Variants in ZNF500 observed in about 807,000 individuals in gnomAD.
ZNF500 encodes zinc finger protein 500, also known as zinc finger protein with KRAB and SCAN domains 18.
Under a neutral mutation model 30.1 loss-of-function variants are expected in ZNF500, and 31 were observed. The ratio of observed to expected loss-of-function variants is 1.03; its 90% CI spans 0.77 to 1.39. The LOEUF (loss-of-function observed/expected upper bound fraction) is 1.39, where lower values mean the gene tolerates loss of function less well. Ranked by LOEUF, ZNF500 falls within the 40% of genes most tolerant of loss-of-function variation. The probability of loss-of-function intolerance (pLI) is 0.00; values close to 1 mark genes in which losing one functional copy is unlikely to be tolerated. For synonymous variants in ZNF500, 392 were observed against 282.0 expected, an observed-to-expected ratio of 1.39 and a Z score of -3.91; for missense variants, 817 against 657.8, an observed-to-expected ratio of 1.24 and a Z score of -2.65.
chr16:4,746,118 C>A, downstream of ZNF500: 1 of 402,866 alleles, frequency 2.5e-6, no homozygotes, highest in Non-Finnish European at 4.4e-6. Flanking sequence ...GTAAACTTAG[C>A]CACTTGTGCC....
Position 4,761,625 on chromosome 16 carries a change from C to G in ZNF500, c.663+646G>C, listed in dbSNP as rs1291391158. ...CTTTGGGAGACTTAGGCAAGAGGAT[C>G]ACTTGAGCCCAGGAGTTCAAGACCA... On this transcript the variant is annotated intron_variant, in intron 4 of 5. Transcript: ENST00000219478. Among the ~76,000 whole-genome samples the G allele has an allele frequency of 1.6e-4, 24 of 151,388 alleles. 1 individual carries two copies. The Admixed American group carries it at 1.6e-3, about 10-fold the overall frequency.
rs765859378 is a variant in ZNF500, at chr16:4,760,586, C to G, written c.666G>C (p.Val222=). 5.0e-6 allele frequency: 8 copies of G among 1,613,182 alleles called. No individual in the cohort carries two copies. In the South Asian group the frequency reaches 8.8e-5, roughly 18 times the overall value. Residue 222 remains valine, a splice_region_variant and synonymous_variant, in exon 5 of 6, where the codon GTG becomes GTC. Coordinates refer to ENST00000219478, the MANE Select transcript of ZNF500 (RefSeq NM_021646.4). ...CAGCCACGTCCTCCAAGTTCACGGGCACCTGCCAGAACGCACCCCACTCAG... is the reference window on the plus strand; with the variant it reads ...CAGCCACGTCCTCCAAGTTCACGGGGACCTGCCAGAACGCACCCCACTCAG... ...ASPFLSAWSQ[V]PVNLEDVAVY...
At position 4,752,628 on chromosome 16, in the gene ZNF500, G is replaced by T; in HGVS notation, c.1191C>A (p.Val397=). 1 of 1,609,842 alleles carries T rather than the reference G, an allele frequency of 6.2e-7. No homozygotes were observed. The highest frequency in any genetic ancestry group is 2.2e-5 in the East Asian group (1 of 44,698). Residue 397 remains valine (V), a synonymous_variant, in exon 6 of 6, where the codon GTC becomes GTA. Coordinates refer to ENST00000219478, the MANE Select transcript of ZNF500 (RefSeq NM_021646.4). ...CCCCGCTGTGTGTCCTGCGGTGGATGACCAGGCTGGAGCTCTGGCTGAAGC... is the reference window on the plus strand; with the variant it reads ...CCCCGCTGTGTGTCCTGCGGTGGATTACCAGGCTGGAGCTCTGGCTGAAGC... The part of the protein sequence containing the change: ...GKRFSQSSSL[V]IHRRTHSGER...
chr16:4,762,145 G>A, intron 4 of ZNF500, 126 bp downstream of exon 4: 1 of 1,116,970 alleles, frequency 9.0e-7, no homozygotes, highest in Non-Finnish European at 1.3e-6. Context: ...GAAAACTCCA[G>A]GGAAGAGCTC....
Position 4,751,383 on chromosome 16 carries a change from C to T in ZNF500, c.*993G>A. ...GAGCAAACGCAGCCCTGGGCCCCGG[C>T]CCTGGGGAGATGTCAGGCCCGTCAC... On this transcript the variant is annotated 3_prime_UTR_variant, in exon 6 of 6. Transcript: ENST00000219478. The T allele has an allele frequency of 1.7e-6, 1 of 581,398 alleles. No homozygotes were observed. The highest frequency in any genetic ancestry group is 3.0e-6 in the Non-Finnish European group (1 of 334,216). The allele number at this position is 581,398 out of a possible 1,614,324, so 36.0% of individuals were successfully genotyped here.
downstream of ZNF500, chr16:4,744,904 G>A (rs762400175): frequency 2.5e-6 from 4 of 1,613,706 alleles, no homozygotes; most frequent in Admixed American, 1.7e-5. Context: ...ACAGGCTCAT[G>A]GAACAGCTGG....
chr16:4,753,058 C>A lies in ZNF500; in HGVS notation c.761G>T (p.Gly254Val). ...GCCGTCCTCCAACTGGATCCCAGGTCCTGAGACAGAGAAAGCACGATCTCT... is the reference window on the plus strand; with the variant it reads ...GCCGTCCTCCAACTGGATCCCAGGTACTGAGACAGAGAAAGCACGATCTCT... The part of the protein sequence containing the change: ...AQRDAPLENE[G>V]PGIQLEDGGD... Residue 254 changes from glycine (G) to valine (V), a missense_variant and splice_region_variant, in exon 6 of 6, where the codon GGA (glycine) becomes GTA (valine). By Grantham distance (109) the Gly-to-Val change is moderately radical (BLOSUM62 -3). Transcript: ENST00000219478. 1 of 1,511,364 alleles carries A rather than the reference C, an allele frequency of 6.6e-7. No individual in the cohort carries two copies. Among genetic ancestry groups the A allele is most frequent in the Non-Finnish European group, 8.8e-7 (1 of 1,136,466 alleles). The allele number at this position is 1,511,364 out of a possible 1,614,324, so 93.6% of individuals were successfully genotyped here. A position where few individuals can be genotyped will look rare whatever the true frequency, so the allele number is the denominator to read the frequency against.
intron 2 of ZNF500, chr16:4,763,509 T>G: frequency 7.1e-6 from 7 of 979,298 alleles, no homozygotes; most frequent in Non-Finnish European, 7.3e-6. Flanking sequence ...GGTCTTAGAA[T>G]TGAGCTCTGC....
At chr16:4,754,792 T>C (rs117962425) in intron 5 of ZNF500, among the ~76,000 whole-genome samples, 3,041 of 152,308 alleles carry the variant, frequency 0.02, 48 homozygotes, top group Non-Finnish European at 0.031. Flanking sequence ...TTTCGATCTA[T>C]GTCCTCACCC....
chr16:4,765,633 C>A lies in ZNF500; in HGVS notation c.346G>T (p.Glu116Ter). The change falls in exon 2 of 6, where the codon GAG becomes TAG. Residue 116 changes from glutamate (E) to a stop codon, truncating the protein, a stop_gained. Transcript: ENST00000219478. LOFTEE classifies it high-confidence loss of function. ...IQARVREQQP[E>*]SGEEAVVLVE... The stretch of plus-strand genomic sequence containing the variant: ...AGGACCACGGCCTCCTCACCGCTCT[C>A]CGGCTGCTGCTCGCGTACCCGAGCC... 2 of 1,613,536 alleles carry A rather than the reference C, an allele frequency of 1.2e-6. No homozygotes were observed. Among genetic ancestry groups the A allele is most frequent in the South Asian group, 2.2e-5 (2 of 91,070 alleles).
At position 4,762,289 on chromosome 16, in the gene ZNF500, G is replaced by T; in HGVS notation, c.645C>A (p.Phe215Leu). The T allele has an allele frequency of 6.2e-7, 1 of 1,611,706 alleles. No homozygotes were observed. The highest frequency in any genetic ancestry group is 8.5e-7 in the Non-Finnish European group (1 of 1,179,006). The part of the protein sequence containing the change: ...RHQEMASASP[F>L]LSAWSQVPVN... ...CACTCACCTGGGACCAGGCCGAAAG[G>T]AAGGGCGAGGCTGACGCCATCTCCT... Residue 215 changes from phenylalanine (F) to leucine (L), a missense_variant, in exon 4 of 6, where the codon TTC (phenylalanine) becomes TTA (leucine). Coordinates refer to ENST00000219478, the MANE Select transcript of ZNF500 (RefSeq NM_021646.4).
downstream of ZNF500, chr16:4,745,157 T>G (rs2081998759): frequency 1.6e-5 from 18 of 1,110,342 alleles, no homozygotes; most frequent in South Asian, 2.2e-4. Context: ...GTCGCTCCAG[T>G]CATCCCCATT....
chr16:4,763,294 G>C (rs936502534), intron 2 of ZNF500: 22 of 279,802 alleles, frequency 7.9e-5, no homozygotes, highest in Non-Finnish European at 1.1e-4. Context: ...AGGTACTTGG[G>C]AGGCTGAGGC....
intron 4 of ZNF500, among the ~76,000 whole-genome samples, chr16:4,761,100 G>C (rs1386451621): frequency 6.6e-6 from 1 of 152,164 alleles, no homozygotes; most frequent in African/African-American, 2.4e-5. Context: ...AAAACAGGTA[G>C]AGACTCTGGT....
In ZNF500 at chr16:4,753,042, C is replaced by T. The variant is rs35239167; in HGVS notation, c.777G>A (p.Leu259=). ...CCTCCCTGCCATCACCGCCGTCCTC[C>T]AACTGGATCCCAGGTCCTGAGACAG... ...PLENEGPGIQ[L]EDGGDGREDA... The change falls in exon 6 of 6, where the codon TTG becomes TTA. Residue 259 remains leucine, a synonymous_variant. Transcript: ENST00000219478. 13,974 of 1,521,680 alleles carry T rather than the reference C, an allele frequency of 9.2e-3. 89 individuals are homozygous for T. Among genetic ancestry groups the T allele is most frequent in the Non-Finnish European group, 0.011 (12,470 of 1,139,696 alleles). The allele number at this position is 1,521,680 out of a possible 1,614,324, so 94.3% of individuals were successfully genotyped here.
chr16:4,759,651 A>G (rs138425069), intron 5 of ZNF500, among the ~76,000 whole-genome samples: 1 of 152,230 alleles, frequency 6.6e-6, no homozygotes, highest in Non-Finnish European at 1.5e-5. Context: ...CCCATTCCTT[A>G]AAATAAATCT....
At position 4,749,022 on chromosome 16, in the gene ZNF500, C is replaced by T. The variant is rs1385296390; in HGVS notation, c.*3354G>A. On this transcript the variant is annotated 3_prime_UTR_variant, in exon 6 of 6. Coordinates refer to ENST00000219478, the MANE Select transcript of ZNF500 (RefSeq NM_021646.4). The stretch of plus-strand genomic sequence containing the variant: ...ACGTGATCTGGCCACTGGGGACCCC[C>T]ACCCGACCCCACTCCCAATGATGAG... The T allele has an allele frequency of 6.6e-6, 1 of 152,348 alleles. No individual in the cohort carries two copies. Among genetic ancestry groups the T allele is most frequent in the Non-Finnish European group, 1.5e-5 (1 of 68,116 alleles). The allele number at this position is 152,348 out of a possible 1,614,324, so 9.4% of individuals were successfully genotyped here.
chr16:4,747,676 C>A, downstream of ZNF500: 1 of 1,546,428 alleles, frequency 6.5e-7, no homozygotes, highest in Non-Finnish European at 8.7e-7. Context: ...GCTGACTTGC[C>A]ATGGACCCTG....
At chr16:4,744,937 C>G, downstream of ZNF500, 1 of 1,613,898 alleles carries the variant, frequency 6.2e-7, no homozygotes, top group Non-Finnish European at 8.5e-7. Flanking sequence ...CCACGCAGTC[C>G]AAGGCCTCTG....
Sources: gnomAD v4.1 joint callset for allele counts (sites outside exome capture counted in the v4.1 genomes callset) on GRCh38, gnomAD v4.1.1 for gene constraint, MANE v1.5 for transcripts, NCBI Gene and HGNC (gene_info 2026-07-23, HGNC 2026-07-21) for gene names.